RHOBTB1: variants seen among roughly 807,000 people sequenced by gnomAD.
The protein encoded by RHOBTB1 is Rho related BTB domain containing 1, also known as rho-related BTB domain-containing protein 1.
In RHOBTB1, 40 loss-of-function variants were observed where a neutral mutation model predicts 71.6. That is an observed-to-expected ratio of 0.56 (90% CI 0.43 to 0.73). The LOEUF (loss-of-function observed/expected upper bound fraction) is 0.73, where lower values mean the gene tolerates loss of function less well. Ranked by LOEUF, RHOBTB1 falls within the 30% of genes least tolerant of loss-of-function variation. The pLI is 0.00. For missense variants in RHOBTB1, 797 were observed against 894.0 expected (o/e 0.89, Z 1.38); for synonymous variants, 319 against 334.9 (o/e 0.95, Z 0.52).
chr10:60,990,386 G>A (rs544536443), intron 1 of RHOBTB1, among the ~76,000 whole-genome samples: 1 of 152,180 alleles, frequency 6.6e-6, no homozygotes, highest in East Asian at 1.9e-4. Flanking sequence ...TACTCCCCAA[G>A]AATCTTTTTG....
chr10:60,976,225 A>G lies in RHOBTB1; in HGVS notation c.-62+9620T>C, dbSNP rs192513814. On this transcript the variant is annotated intron_variant, in intron 2 of 11. Transcript: ENST00000357917. ...GCATTTCATTAGGATATTTTATTAC[A>G]TGGAAGGATTTTTTAAAGGAGAAAA... 3.9e-5 allele frequency among the ~76,000 whole-genome samples: 6 copies of G among 152,070 alleles called. No homozygotes were observed. In the East Asian group the frequency reaches 1.2e-3, roughly 29 times the overall value.
At chr10:60,983,595 T>A (rs1267434151) in intron 2 of RHOBTB1, among the ~76,000 whole-genome samples, 1 of 152,318 alleles carries the variant, frequency 6.6e-6, no homozygotes, top group East Asian at 1.9e-4. Flanking sequence ...AATTTTTGAA[T>A]CTAAATGTAT....
intron 9 of RHOBTB1, among the ~76,000 whole-genome samples, chr10:60,873,963 T>C (rs750878911): frequency 5.3e-5 from 8 of 152,242 alleles, no homozygotes; most frequent in Non-Finnish European, 7.3e-5. Context: ...CGCTGTAAAG[T>C]TCAATTCCGC....
Position 60,876,656 on chromosome 10 carries a change from A to G in RHOBTB1, c.1726+1252T>C, listed in dbSNP as rs888489703. Among the ~76,000 whole-genome samples, 6 of 152,338 alleles carry G rather than the reference A, an allele frequency of 3.9e-5. No homozygotes were observed. In the South Asian group the frequency reaches 8.3e-4, roughly 21 times the overall value. ...CCCATGGAAGCCTCCCAGAGTGAGT[A>G]TTTTAAAAAACTAGTGCACTCATTT... On this transcript the variant is annotated intron_variant, in intron 8 of 10. Transcript: ENST00000337910.
chr10:60,891,130 G>A (rs1207535606), intron 5 of RHOBTB1, among the ~76,000 whole-genome samples: 1 of 152,104 alleles, frequency 6.6e-6, no homozygotes, highest in East Asian at 1.9e-4. Context: ...TCCATGCACT[G>A]AAGAACAGAA....
chr10:60,905,856 C>T lies in RHOBTB1; in HGVS notation c.296+5031G>A, dbSNP rs74155409. 9.9e-3 allele frequency among the ~76,000 whole-genome samples: 1,509 copies of T among 152,108 alleles called. 17 individuals are homozygous for T. Among genetic ancestry groups the T allele is most frequent in the African/African-American group, 0.034 (1,417 of 41,508 alleles). On this transcript the variant is annotated intron_variant, in intron 4 of 10. Transcript: ENST00000337910. ...CACTGATCCTTACTTTTTTGCTTGCCGTAAAACACAAGCACAACCAATCCC... is the reference window on the plus strand; with the variant it reads ...CACTGATCCTTACTTTTTTGCTTGCTGTAAAACACAAGCACAACCAATCCC...
intron 2 of RHOBTB1, among the ~76,000 whole-genome samples, chr10:60,922,294 C>T (rs2083610431): frequency 1.3e-5 from 2 of 152,130 alleles, no homozygotes; most frequent in African/African-American, 4.8e-5. Context: ...TCACTCTATG[C>T]CCAAAAGAGC....
At chr10:60,867,245 A>G (rs966909668), downstream of RHOBTB1, among the ~76,000 whole-genome samples, 2 of 152,236 alleles carry the variant, frequency 1.3e-5, no homozygotes, top group Non-Finnish European at 2.9e-5. Flanking sequence ...TCATCAAATC[A>G]AAGGATATAT....
chr10:60,999,737 A>G (rs1013411197), intron 1 of RHOBTB1, among the ~76,000 whole-genome samples: 1 of 152,250 alleles, frequency 6.6e-6, no homozygotes, highest in South Asian at 2.1e-4. Context: ...CTATTCCACA[A>G]AAACCTGCAT....
At chr10:60,942,394 T>C (rs1182333090) in intron 1 of RHOBTB1, among the ~76,000 whole-genome samples, 1 of 152,248 alleles carries the variant, frequency 6.6e-6, no homozygotes, top group Non-Finnish European at 1.5e-5. Context: ...TAAAAAATTT[T>C]ACACTATCTT....
intron 2 of RHOBTB1, among the ~76,000 whole-genome samples, chr10:60,925,903 T>A (rs1054539968): frequency 6.6e-6 from 1 of 152,152 alleles, no homozygotes; most frequent in South Asian, 2.1e-4. Flanking sequence ...GTAACCAGAT[T>A]GAAGCAGTAA....
At chr10:60,953,062 G>C (rs1257887147) in intron 2 of RHOBTB1, among the ~76,000 whole-genome samples, 1 of 152,152 alleles carries the variant, frequency 6.6e-6, no homozygotes, top group Non-Finnish European at 1.5e-5. Flanking sequence ...TGTACCTTGT[G>C]CCAGCAAGGT....
downstream of RHOBTB1, among the ~76,000 whole-genome samples, chr10:60,868,677 G>A (rs2080654651): frequency 6.6e-6 from 1 of 152,152 alleles, no homozygotes; most frequent in African/African-American, 2.4e-5. Context: ...CTTTGCTGAA[G>A]TTGTATAAAA....
intron 4 of RHOBTB1, among the ~76,000 whole-genome samples, chr10:60,905,706 A>C (rs530786077): frequency 6.6e-6 from 1 of 152,234 alleles, no homozygotes; most frequent in East Asian, 1.9e-4. Context: ...GTCCACTTGA[A>C]GTTTCACTGT....
intron 2 of RHOBTB1, among the ~76,000 whole-genome samples, chr10:60,919,626 T>G (rs189941054): frequency 4.9e-4 from 75 of 152,342 alleles, no homozygotes; most frequent in African/African-American, 1.7e-3. Context: ...AACATTATTT[T>G]TTCAATGGAC....
chr10:60,893,884 A>G lies in RHOBTB1; in HGVS notation c.297-889T>C, dbSNP rs190368248. Among the ~76,000 whole-genome samples, 6 of 152,320 alleles carry G rather than the reference A, an allele frequency of 3.9e-5. No individual in the cohort carries two copies. In the East Asian group the frequency reaches 1.2e-3, roughly 29 times the overall value. On this transcript the variant is annotated intron_variant, in intron 4 of 10. Coordinates refer to ENST00000337910, the MANE Select transcript of RHOBTB1 (RefSeq NM_014836.5). ...AAGGAATCTTTCATAGGAATTATAA[A>G]CCATCATTCTAGGTTAAAATGTGCT...
At position 60,870,997 on chromosome 10, in the gene RHOBTB1, A is replaced by C. The variant is rs2132141999; in HGVS notation, c.*485T>G. On this transcript the variant is annotated 3_prime_UTR_variant, in exon 11 of 11. Coordinates refer to ENST00000337910, the MANE Select transcript of RHOBTB1 (RefSeq NM_014836.5). ...TCCTTCCTTTCACAACAAAAGGATA[A>C]CCCTCTAATTACGTAATAATGCTCG... is the stretch of plus-strand genomic sequence containing the variant. The C allele has an allele frequency of 6.5e-6, 1 of 152,918 alleles. No individual in the cohort carries two copies. Among genetic ancestry groups the C allele is most frequent in the Admixed American group, 6.5e-5 (1 of 15,308 alleles). 9.5% of individuals were successfully genotyped at this position (152,918 alleles called of 1,614,324 possible).
Position 60,871,534 on chromosome 10 carries a change from T to C in RHOBTB1, c.2039A>G (p.His680Arg). Residue 680 changes from histidine (H) to arginine (R), a missense_variant, in exon 11 of 11, where the codon CAT (histidine) becomes CGT (arginine). His to Arg is a conservative substitution (Grantham distance 29). Transcript: ENST00000337910. Reference sequence around the variant, plus strand: ...GAAGCACCACTTTCGTCTTGAGCGATGCTTATTTAGTGCAATATCTTCCTT... The same window carrying C: ...GAAGCACCACTTTCGTCTTGAGCGACGCTTATTTAGTGCAATATCTTCCTT... Reference protein sequence around the residue: ...REKEDIALNKHRSRRKWCFWN... With the variant: ...REKEDIALNKRRSRRKWCFWN... 6.2e-7 allele frequency: 1 copy of C among 1,614,180 alleles called. No homozygotes were observed. The highest frequency in any genetic ancestry group is 8.5e-7 in the Non-Finnish European group (1 of 1,180,008).
At chr10:60,931,617 C>A (rs2084260012) in intron 2 of RHOBTB1, among the ~76,000 whole-genome samples, 1 of 151,992 alleles carries the variant, frequency 6.6e-6, no homozygotes, top group Non-Finnish European at 1.5e-5. Context: ...AAGTATAACC[C>A]TTGATTTTCA....
Sources: allele counts gnomAD v4.1 joint callset (sites outside exome capture counted in the v4.1 genomes callset), GRCh38; gene constraint gnomAD v4.1.1; transcripts MANE v1.5; gene names NCBI Gene and HGNC (gene_info 2026-07-23, HGNC 2026-07-21).